Variants in NSD1 observed in about 807,000 individuals in gnomAD.
NSD1 encodes the protein histone-lysine N-methyltransferase, H3 lysine-36 specific.
In NSD1, 26 loss-of-function variants were observed where a neutral mutation model predicts 242.7. The ratio of observed to expected loss-of-function variants is 0.11; its 90% CI spans 0.08 to 0.15. NSD1 has a LOEUF of 0.15. Ranked by LOEUF, NSD1 falls within the 10% of genes least tolerant of loss-of-function variation. The pLI is 1.00. For missense variants in NSD1, 2,495 were observed against 3,272.8 expected (o/e 0.76, Z 5.80); for synonymous variants, 1,106 against 1,178.1 (o/e 0.94, Z 1.25).
intron 12 of NSD1, among the ~76,000 whole-genome samples, chr5:177,252,406 G>A (rs4343858): frequency 0.21 from 31,440 of 151,904 alleles, 3,808 homozygotes; most frequent in East Asian, 0.44. Context: ...ATTATACATC[G>A]ATAAAAATAT....
In NSD1 at chr5:177,135,698, T is replaced by C. The variant is rs772841888; in HGVS notation, c.595T>C (p.Ser199Pro). The change falls in exon 2 of 23, where the codon TCA becomes CCA. Residue 199 changes from serine (S) to proline (P), a missense_variant. This residue lies in a region of NSD1 where 376 missense variants were observed against 367.4 expected (regional missense o/e 1.02). Transcript: ENST00000439151. ...TNATCNYETK[S>P]ENGVKVAMGS... is the part of the protein sequence containing the mutation. ...TGCCACCTGCAATTATGAGACTAAA[T>C]CAGAGAATGGTGTAAAAGTGGCCAT... 6.2e-7 allele frequency: 1 copy of C among 1,614,066 alleles called. No homozygotes were observed. The highest frequency in any genetic ancestry group is 1.1e-5 in the South Asian group (1 of 91,076).
chr5:177,238,653 T>A lies in NSD1; in HGVS notation c.4192+146T>A. On this transcript the variant is annotated intron_variant, in intron 7 of 22. Coordinates refer to ENST00000439151, the MANE Select transcript of NSD1 (RefSeq NM_022455.5). This position sits in a 1 kb window ranked among gnomAD's most constrained non-coding sequence, Gnocchi z 4.6. ...CCTGGGAAATACTTAAAATGATGGT[T>A]AATTAGATATAGTTACTAACCATGA... 1 of 887,192 alleles carries A rather than the reference T, an allele frequency of 1.1e-6. No homozygotes were observed. Among genetic ancestry groups the A allele is most frequent in the African/African-American group, 1.6e-5 (1 of 60,666 alleles). 55.0% of individuals were successfully genotyped at this position (887,192 alleles called of 1,614,324 possible).
rs565690443 is a variant in NSD1, at chr5:177,147,956, G to A, written c.927+11926G>A. Reference sequence around the variant, plus strand: ...CAAATATACCATGGTTTGCTTGACCGTTCACCTGTTGAAGGACATCTGGGG... The same window carrying A: ...CAAATATACCATGGTTTGCTTGACCATTCACCTGTTGAAGGACATCTGGGG... On this transcript the variant is annotated intron_variant, in intron 2 of 22. Coordinates refer to ENST00000439151, the MANE Select transcript of NSD1 (RefSeq NM_022455.5). Among the ~76,000 whole-genome samples the A allele has an allele frequency of 1.1e-3, 164 of 152,134 alleles. 1 individual carries two copies. Among genetic ancestry groups the A allele is most frequent in the African/African-American group, 3.9e-3 (161 of 41,516 alleles).
chr5:177,168,476 C>T (rs1435791228), intron 2 of NSD1, among the ~76,000 whole-genome samples: 3 of 144,040 alleles, frequency 2.1e-5, no homozygotes, highest in Admixed American at 7.0e-5. Context: ...TTCTTTTTTC[C>T]GGAGACAGAG....
In NSD1 at chr5:177,295,319, TCTG is replaced by T. The variant is rs2127285052; in HGVS notation, c.7955_7957del (p.Ala2652del). 2 of 1,613,882 alleles carry T rather than the reference TCTG, an allele frequency of 1.2e-6. No homozygotes were observed. Among genetic ancestry groups the T allele is most frequent in the Non-Finnish European group, 1.7e-6 (2 of 1,180,014 alleles). On this transcript the variant is annotated inframe_deletion, in exon 23 of 23. Transcript: ENST00000439151. The surrounding 1 kb of genome is among the most constrained non-coding windows in gnomAD (Gnocchi z 4.3). ...ACAGACACTGGCACAGTCTTGCTGGTCTGCTGGGAGCACACAGACATTGGCACA... is the reference window on the plus strand; with the variant it reads ...ACAGACACTGGCACAGTCTTGCTGGTCTGGGAGCACACAGACATTGGCACA...
At chr5:177,243,695 TTTTTG>T (rs1284514958) in intron 8 of NSD1, among the ~76,000 whole-genome samples, 2 of 152,100 alleles carry the variant, frequency 1.3e-5, no homozygotes, top group East Asian at 1.9e-4. Context: ...TGGAGCATTG[TTTTTG>T]TTTTGTTTTA....
chr5:177,173,263 G>A lies in NSD1; in HGVS notation c.928-18621G>A, dbSNP rs1203228307. 6.6e-5 allele frequency among the ~76,000 whole-genome samples: 9 copies of A among 135,342 alleles called. No individual in the cohort carries two copies. In the South Asian group the frequency reaches 1.9e-3, roughly 28 times the overall value. The allele number at this position is 135,342 out of a possible 152,430, so 88.8% of individuals were successfully genotyped here. A position where few individuals can be genotyped will look rare whatever the true frequency, so the allele number is the denominator to read the frequency against. On this transcript the variant is annotated intron_variant, in intron 2 of 22. Transcript: ENST00000439151. ...GCCGAGATAGCGCCACTGCACTCCA[G>A]CCTTGGCGAAAGAGCTAGACTCTGT...
chr5:177,167,893 T>C (rs942159792), intron 2 of NSD1, among the ~76,000 whole-genome samples: 1 of 152,192 alleles, frequency 6.6e-6, no homozygotes, highest in South Asian at 2.1e-4. Context: ...TTTGGCTGTT[T>C]AGGCTTCCTA....
rs35874885 is a variant in NSD1 at position 177,270,154 on chromosome 5, A to AGTCTTGTCTTGTCTTGTCTT, written c.5509+364_5509+383dup. Among the ~76,000 whole-genome samples, 270 of 150,556 alleles carry AGTCTTGTCTTGTCTTGTCTT rather than the reference A, an allele frequency of 1.8e-3. 4 individuals carry two copies. Among genetic ancestry groups the AGTCTTGTCTTGTCTTGTCTT allele is most frequent in the African/African-American group, 5.5e-3 (226 of 40,912 alleles). The stretch of plus-strand genomic sequence containing the variant: ...TAGCAGAGCTACATTTGCTCCAAGG[A>AGTCTTGTCTTGTCTTGTCTT]GTCTTGTCTTGTCTTGTCTTGTCTT... On this transcript the variant is annotated intron_variant, in intron 16 of 22. Coordinates refer to ENST00000439151, the MANE Select transcript of NSD1 (RefSeq NM_022455.5).
intron 11 of NSD1, among the ~76,000 whole-genome samples, chr5:177,249,935 A>G (rs1436396676): frequency 6.6e-6 from 1 of 152,128 alleles, no homozygotes; most frequent in Non-Finnish European, 1.5e-5. Flanking sequence ...AAAATACAAA[A>G]ATTAGCCAGG....
intron 5 of NSD1, among the ~76,000 whole-genome samples, chr5:177,220,811 TC>T (rs759465126): frequency 3.3e-5 from 5 of 152,036 alleles, no homozygotes; most frequent in Admixed American, 6.6e-5. Context: ...CCTCAAGTGA[TC>T]CACCTGCCTT....
In NSD1 at chr5:177,269,516, T is replaced by C; in HGVS notation, c.5304-86T>C. ...TTTAATGTGGACAGACAGACATTGC[T>C]AATCCTTACTTTTATATGAGTAGGT... On this transcript the variant is annotated intron_variant, in intron 15 of 22. Coordinates refer to ENST00000439151, the MANE Select transcript of NSD1 (RefSeq NM_022455.5). This position sits in a 1 kb window ranked among gnomAD's most constrained non-coding sequence, Gnocchi z 5.1. 1 of 1,175,150 alleles carries C rather than the reference T, an allele frequency of 8.5e-7. No homozygotes were observed. Among genetic ancestry groups the C allele is most frequent in the Non-Finnish European group, 1.3e-6 (1 of 795,886 alleles). 72.8% of individuals were successfully genotyped at this position (1,175,150 alleles called of 1,614,324 possible).
chr5:177,264,051 T>TTTTTTTTTTTC (rs1562273769), intron 14 of NSD1, among the ~76,000 whole-genome samples: 2 of 116,306 alleles, frequency 1.7e-5, no homozygotes, highest in African/African-American at 6.2e-5. Context: ...TTTTTTTTTT[T>TTTTTTTTTTTC]TTTGAGATGG....
intron 2 of NSD1, among the ~76,000 whole-genome samples, chr5:177,167,365 A>G (rs1317049822): frequency 3.3e-5 from 5 of 151,938 alleles, no homozygotes; most frequent in Non-Finnish European, 7.4e-5. Flanking sequence ...GGTGAAACCC[A>G]TTTCTACTAA....
intron 3 of NSD1, among the ~76,000 whole-genome samples, chr5:177,197,733 G>A (rs76799992): frequency 0.018 from 2,777 of 152,246 alleles, 33 homozygotes; most frequent in Non-Finnish European, 0.028. Context: ...TGAAACCATC[G>A]AAAGTGAAGT....
At chr5:177,132,134 CA>C (rs955144182), upstream of NSD1, among the ~76,000 whole-genome samples, 1 of 152,158 alleles carries the variant, frequency 6.6e-6, no homozygotes, top group African/African-American at 2.4e-5. The surrounding 1 kb of genome is among the most constrained non-coding windows in gnomAD (Gnocchi z 7.5). Context: ...CGTGAGGCCC[CA>C]GGCCGAGGGC....
Position 177,297,399 on chromosome 5 carries a change from G to C in NSD1, c.*1940G>C, listed in dbSNP as rs1760320678. 1.3e-5 allele frequency: 3 copies of C among 229,556 alleles called. No individual in the cohort carries two copies. Among genetic ancestry groups the C allele is most frequent in the Non-Finnish European group, 2.6e-5 (3 of 115,968 alleles). The allele number at this position is 229,556 out of a possible 1,614,324, so 14.2% of individuals were successfully genotyped here. A position where few individuals can be genotyped will look rare whatever the true frequency, so the allele number is the denominator to read the frequency against. On this transcript the variant is annotated 3_prime_UTR_variant, in exon 23 of 23. Transcript: ENST00000439151. Reference sequence around the variant, plus strand: ...AGATATTTTTAAAGAAATTCACCGAGAACATTAAAGTTCATTATATTAAGT... The same window carrying C: ...AGATATTTTTAAAGAAATTCACCGACAACATTAAAGTTCATTATATTAAGT...
chr5:177,300,147 CAT>C lies in NSD1; in HGVS notation c.*4689_*4690del, dbSNP rs1760526704. On this transcript the variant is annotated 3_prime_UTR_variant, in exon 23 of 23. Transcript: ENST00000439151. Reference sequence around the variant, plus strand: ...GCCCTGTGTTAGGAGTCCCCATAAACATGTACTGTAATTCTTTGTATATAGAA... The same window carrying C: ...GCCCTGTGTTAGGAGTCCCCATAAACGTACTGTAATTCTTTGTATATAGAA... 5.1e-6 allele frequency: 1 copy of C among 195,410 alleles called. No homozygotes were observed. The allele number at this position is 195,410 out of a possible 1,614,324, so 12.1% of individuals were successfully genotyped here.
intron 12 of NSD1, among the ~76,000 whole-genome samples, chr5:177,252,779 C>T (rs1581446348): frequency 6.9e-6 from 1 of 144,994 alleles, no homozygotes; most frequent in African/African-American, 2.6e-5. Context: ...GGAAAGTGTT[C>T]TCTCGCTCTC....
Sources: gnomAD v4.1 joint callset for allele counts (sites outside exome capture counted in the v4.1 genomes callset) on GRCh38, gnomAD v4.1.1 for gene constraint, gnomAD v4.1.1 regional missense constraint, Gnocchi (gnomAD v3.1) non-coding constraint, MANE v1.5 for transcripts, NCBI Gene and HGNC (gene_info 2026-07-23, HGNC 2026-07-21) for gene names.